Variants in CDH18 observed in about 807,000 individuals in gnomAD.
The protein encoded by CDH18 is cadherin 18, also known as cadherin-18.
CDH18 carries 31 observed loss-of-function variants against 67.9 expected under a neutral mutation model. The observed-to-expected ratio is 0.46, with a 90% CI of 0.34 to 0.62. CDH18 has a LOEUF of 0.62. Among genes scored for constraint, CDH18 ranks in the 20% least tolerant of loss-of-function variants. The pLI, the probability that CDH18 is intolerant of heterozygous loss-of-function variation, is 0.01. For missense variants in CDH18, 890 were observed against 975.5 expected (o/e 0.91, Z 1.17); for synonymous variants, 362 against 347.2 (o/e 1.04, Z -0.48).
rs1057217386 is a variant in CDH18 at position 19,489,490 on chromosome 5, G to GC, written c.1631-5939dup. 2.3e-4 allele frequency among the ~76,000 whole-genome samples: 35 copies of GC among 151,918 alleles called. No homozygotes were observed. In the East Asian group the frequency reaches 4.5e-3, roughly 19 times the overall value. On this transcript the variant is annotated intron_variant, in intron 11 of 12. Coordinates refer to ENST00000382275, the MANE Select transcript of CDH18 (RefSeq NM_004934.5). ...TCTCAAACTCCTGACCTTGTGATCTGCCCCCCTTGGCCTCCCATAGTGCTG... is the reference window on the plus strand; with the variant it reads ...TCTCAAACTCCTGACCTTGTGATCTGCCCCCCCTTGGCCTCCCATAGTGCTG...
At chr5:20,011,509 G>A (rs113551979) in intron 2 of CDH18, among the ~76,000 whole-genome samples, 3 of 152,246 alleles carry the variant, frequency 2.0e-5, no homozygotes, top group African/African-American at 7.2e-5. Flanking sequence ...GGAGTGGTGA[G>A]AGAGGGCATC....
intron 2 of CDH18, among the ~76,000 whole-genome samples, chr5:19,908,406 A>G (rs1400573627): frequency 1.3e-5 from 2 of 152,174 alleles, no homozygotes; most frequent in African/African-American, 2.4e-5. Context: ...GATATGTACT[A>G]TGATGAGTTA....
At chr5:19,544,734 T>G (rs949580700) in intron 8 of CDH18, among the ~76,000 whole-genome samples, 1 of 152,168 alleles carries the variant, frequency 6.6e-6, no homozygotes, top group African/African-American at 2.4e-5. Context: ...TTTCCTTGTG[T>G]CCTATGCCAC....
chr5:19,810,644 A>C (rs1778536877), intron 3 of CDH18, among the ~76,000 whole-genome samples: 1 of 152,026 alleles, frequency 6.6e-6, no homozygotes, highest in Admixed American at 6.6e-5. Flanking sequence ...ATACTTAATT[A>C]TATTTTTCTA....
intron 2 of CDH18, among the ~76,000 whole-genome samples, chr5:20,045,112 T>C (rs999507031): frequency 7.2e-5 from 11 of 152,148 alleles, no homozygotes; most frequent in South Asian, 4.1e-4. Context: ...TACAATAATG[T>C]TTTTGTTCTC....
intron 2 of CDH18, among the ~76,000 whole-genome samples, chr5:20,222,188 AG>A: frequency 6.6e-6 from 1 of 152,336 alleles, no homozygotes; most frequent in Middle Eastern, 3.4e-3. Flanking sequence ...AGATGCTAAC[AG>A]GAACATGAAA....
intron 1 of CDH18, among the ~76,000 whole-genome samples, chr5:20,316,913 A>T (rs1737516680): frequency 6.6e-6 from 1 of 152,124 alleles, no homozygotes; most frequent in South Asian, 2.1e-4. Flanking sequence ...ACTCAATTGT[A>T]TTTCCTATTC....
chr5:20,446,015 T>TG (rs1377804268), intron 1 of CDH18, among the ~76,000 whole-genome samples: 1 of 152,074 alleles, frequency 6.6e-6, no homozygotes, highest in Non-Finnish European at 1.5e-5. Flanking sequence ...GTTATTTGAT[T>TG]GAAGTTTATG....
chr5:20,231,328 G>A (rs368540690), intron 2 of CDH18, among the ~76,000 whole-genome samples: 1 of 151,948 alleles, frequency 6.6e-6, no homozygotes, highest in Non-Finnish European at 1.5e-5. Context: ...GGATAATATC[G>A]GCCGGGCACA....
chr5:19,826,580 T>C (rs1669193009), intron 3 of CDH18, among the ~76,000 whole-genome samples: 1 of 152,136 alleles, frequency 6.6e-6, no homozygotes, highest in South Asian at 2.1e-4. Flanking sequence ...TATTTAGCAT[T>C]CTTAAAGAAA....
intron 2 of CDH18, among the ~76,000 whole-genome samples, chr5:20,201,693 C>T (rs533728671): frequency 6.6e-6 from 1 of 152,046 alleles, no homozygotes; most frequent in South Asian, 2.1e-4. Context: ...AGAGAGAATA[C>T]ATAATATAAT....
intron 1 of CDH18, among the ~76,000 whole-genome samples, chr5:20,311,633 T>C (rs1737002839): frequency 6.6e-6 from 1 of 151,918 alleles, no homozygotes; most frequent in Admixed American, 6.6e-5. Flanking sequence ...CATCACACAC[T>C]GGGCCTGTCA....
intron 1 of CDH18, among the ~76,000 whole-genome samples, chr5:20,519,727 T>A: frequency 6.6e-6 from 1 of 151,838 alleles, no homozygotes. Flanking sequence ...AGTGTAATTT[T>A]TTTTTTTAAG....
intron 1 of CDH18, among the ~76,000 whole-genome samples, chr5:20,300,495 C>T (rs114713670): frequency 0.016 from 2,399 of 151,910 alleles, 31 homozygotes; most frequent in Non-Finnish European, 0.021. Context: ...TTTTAGGGCA[C>T]GTTGTGGTTA....
At chr5:19,480,437 C>T (rs954661771) in intron 12 of CDH18, among the ~76,000 whole-genome samples, 7 of 150,026 alleles carry the variant, frequency 4.7e-5, no homozygotes, top group East Asian at 2.0e-4. Flanking sequence ...AGTGCAGTGG[C>T]GCCATCTCAG....
chr5:19,761,082 C>A (rs1394304331), intron 3 of CDH18, among the ~76,000 whole-genome samples: 1 of 152,116 alleles, frequency 6.6e-6, no homozygotes, highest in Non-Finnish European at 1.5e-5. Context: ...CAGTCAATGC[C>A]CTCAATTTAA....
At chr5:20,140,260 T>C (rs969668099) in intron 2 of CDH18, among the ~76,000 whole-genome samples, 5 of 151,998 alleles carry the variant, frequency 3.3e-5, no homozygotes, top group South Asian at 4.1e-4. Context: ...TAGGTGGGAA[T>C]TGAACAATGA....
intron 10 of CDH18, among the ~76,000 whole-genome samples, chr5:19,504,888 C>A (rs577490815): frequency 3.1e-3 from 478 of 152,074 alleles, no homozygotes; most frequent in African/African-American, 0.011. Context: ...TTAACTGAGC[C>A]AGTTTATGGT....
At chr5:19,998,164 A>C (rs1736159274) in intron 2 of CDH18, among the ~76,000 whole-genome samples, 1 of 152,208 alleles carries the variant, frequency 6.6e-6, no homozygotes, top group East Asian at 1.9e-4. Flanking sequence ...AAAGTGGCCA[A>C]GCTTAGGGGA....
Sources: gnomAD v4.1 joint callset for allele counts (sites outside exome capture counted in the v4.1 genomes callset) on GRCh38, gnomAD v4.1.1 for gene constraint, MANE v1.5 for transcripts, NCBI Gene and HGNC (gene_info 2026-07-23, HGNC 2026-07-21) for gene names.